The following TBC1D5 variants were observed in gnomAD, a reference collection of about 807,000 sequenced individuals.
TBC1D5 encodes TBC1 domain family member 5.
TBC1D5 carries 75 observed loss-of-function variants against 100.3 expected under a neutral mutation model. The ratio of observed to expected loss-of-function variants is 0.75; its 90% CI spans 0.62 to 0.91. The LOEUF (loss-of-function observed/expected upper bound fraction) is 0.91, where lower values mean the gene tolerates loss of function less well. Ranked by LOEUF, TBC1D5 falls within the 40% of genes least tolerant of loss-of-function variation. The pLI, the probability that TBC1D5 is intolerant of heterozygous loss-of-function variation, is 0.00. For missense variants in TBC1D5, 910 were observed against 942.4 expected (o/e 0.97, Z 0.45); for synonymous variants, 323 against 325.6 (o/e 0.99, Z 0.09).
intron 13 of TBC1D5, among the ~76,000 whole-genome samples, chr3:17,352,218 A>G (rs569585887): frequency 6.6e-5 from 10 of 152,290 alleles, no homozygotes; most frequent in Non-Finnish European, 1.5e-4. Context: ...ATGTATTACA[A>G]TAAAAGATGT....
intron 2 of TBC1D5, among the ~76,000 whole-genome samples, chr3:17,583,164 G>A (rs1045256252): frequency 1.3e-5 from 2 of 151,746 alleles, no homozygotes; most frequent in Admixed American, 1.3e-4. Context: ...TCACGCTTGA[G>A]GTCCCAGCTA....
chr3:17,587,623 G>T (rs567547417), intron 2 of TBC1D5, among the ~76,000 whole-genome samples: 1 of 152,012 alleles, frequency 6.6e-6, no homozygotes, highest in South Asian at 2.1e-4. Flanking sequence ...TTGTATGTCG[G>T]TTTGGTGAAG....
chr3:17,181,607 C>G (rs2068461851), intron 19 of TBC1D5, among the ~76,000 whole-genome samples: 1 of 152,200 alleles, frequency 6.6e-6, no homozygotes, highest in African/African-American at 2.4e-5. Flanking sequence ...TTGTCTGTTT[C>G]TCAGACACCA....
At chr3:17,464,530 TC>T (rs1266199801) in intron 3 of TBC1D5, among the ~76,000 whole-genome samples, 6 of 152,110 alleles carry the variant, frequency 3.9e-5, no homozygotes, top group Non-Finnish European at 8.8e-5. Flanking sequence ...ATTGATTCCT[TC>T]GTGTTTCAAC....
intron 16 of TBC1D5, among the ~76,000 whole-genome samples, chr3:17,242,231 C>G (rs1276881709): frequency 1.3e-5 from 2 of 152,094 alleles, no homozygotes; most frequent in Non-Finnish European, 2.9e-5. Context: ...TTTAAAAAAC[C>G]ATTATCACAT....
At chr3:17,267,168 C>A (rs1025648036) in intron 15 of TBC1D5, among the ~76,000 whole-genome samples, 2 of 152,092 alleles carry the variant, frequency 1.3e-5, no homozygotes, top group Admixed American at 6.6e-5. Context: ...TTTTCTTTTA[C>A]TAATGTATTT....
intron 1 of TBC1D5, among the ~76,000 whole-genome samples, chr3:17,634,531 T>C (rs1002883940): frequency 6.7e-6 from 1 of 149,248 alleles, no homozygotes; most frequent in Admixed American, 6.7e-5. Flanking sequence ...ACCAAAACAA[T>C]TGAACCCATG....
chr3:17,492,454 G>A (rs76928328), intron 3 of TBC1D5, among the ~76,000 whole-genome samples: 1 of 142,486 alleles, frequency 7.0e-6, no homozygotes, highest in Non-Finnish European at 1.5e-5. Context: ...TTTTTTTTTT[G>A]AGACAGAGTC....
At chr3:17,485,482 C>A (rs1217267089) in intron 3 of TBC1D5, among the ~76,000 whole-genome samples, 1 of 136,626 alleles carries the variant, frequency 7.3e-6, no homozygotes, top group Non-Finnish European at 1.6e-5. Flanking sequence ...TATCCCTCCC[C>A]CATCCCCCCT....
At chr3:17,520,366 CGAAGAGAAAG>C (rs1026479732) in intron 2 of TBC1D5, among the ~76,000 whole-genome samples, 10 of 151,634 alleles carry the variant, frequency 6.6e-5, no homozygotes, top group East Asian at 3.9e-4. Flanking sequence ...AGAGAAATGA[CGAAGAGAAAG>C]GAAGAGAAAG....
chr3:17,527,430 T>A (rs908895931), intron 2 of TBC1D5, among the ~76,000 whole-genome samples: 1 of 152,116 alleles, frequency 6.6e-6, no homozygotes, highest in African/African-American at 2.4e-5. Context: ...CTTCCATCCT[T>A]TCAGGCCATG....
intron 4 of TBC1D5, among the ~76,000 whole-genome samples, chr3:17,414,020 G>C (rs948322033): frequency 6.6e-6 from 1 of 152,192 alleles, no homozygotes; most frequent in East Asian, 1.9e-4. Context: ...AGAAAAAAGA[G>C]ATAAGGTAGA....
At chr3:17,240,433 G>T (rs1396461373) in intron 16 of TBC1D5, among the ~76,000 whole-genome samples, 1 of 152,050 alleles carries the variant, frequency 6.6e-6, no homozygotes, top group African/African-American at 2.4e-5. Flanking sequence ...TGGAGATAAG[G>T]ATATAAAGTG....
chr3:17,360,528 T>A (rs2091610726), intron 13 of TBC1D5, among the ~76,000 whole-genome samples: 1 of 152,006 alleles, frequency 6.6e-6, no homozygotes, highest in African/African-American at 2.4e-5. Context: ...ATGAACTATT[T>A]TGGCCTATCA....
At chr3:17,364,682 C>A (rs2091985288) in intron 13 of TBC1D5, among the ~76,000 whole-genome samples, 1 of 152,118 alleles carries the variant, frequency 6.6e-6, no homozygotes, top group Non-Finnish European at 1.5e-5. Context: ...AAGTTTAAAG[C>A]ATTTATGTAT....
rs1465365160 is a variant in TBC1D5 at position 17,680,463 on chromosome 3, G to C, written c.-100-56550C>G. On this transcript the variant is annotated intron_variant, in intron 1 of 21. Coordinates refer to ENST00000253692, the Ensembl canonical transcript of TBC1D5. ...GTTGATCTCAAACTCCTGGGCGCAA[G>C]TGATCCTCCTGCCTCAGCCTCCCAG... Among the ~76,000 whole-genome samples the C allele has an allele frequency of 2.0e-5, 3 of 151,132 alleles. 1 individual carries two copies. The highest frequency in any genetic ancestry group is 7.4e-5 in the African/African-American group (3 of 40,546).
At chr3:17,284,517 C>A (rs1226247383) in intron 15 of TBC1D5, among the ~76,000 whole-genome samples, 2 of 151,986 alleles carry the variant, frequency 1.3e-5, no homozygotes, top group African/African-American at 4.8e-5. Context: ...TTTTTATATA[C>A]CATTATATCA....
intron 18 of TBC1D5, among the ~76,000 whole-genome samples, chr3:17,202,113 G>C (rs2071534745): frequency 6.6e-6 from 1 of 152,218 alleles, no homozygotes; most frequent in African/African-American, 2.4e-5. Flanking sequence ...AGGCAATGAA[G>C]TCCAGGCTGA....
At chr3:17,620,096 G>A (rs2062527090) in intron 2 of TBC1D5, among the ~76,000 whole-genome samples, 1 of 152,152 alleles carries the variant, frequency 6.6e-6, no homozygotes, top group Non-Finnish European at 1.5e-5. Flanking sequence ...AGGGAACTGG[G>A]CAATATTCTA....
Sources: gnomAD v4.1 joint callset for allele counts (sites outside exome capture counted in the v4.1 genomes callset) on GRCh38, gnomAD v4.1.1 for gene constraint, MANE v1.5 for transcripts, NCBI Gene and HGNC (gene_info 2026-07-23, HGNC 2026-07-21) for gene names.